The following COL23A1 variants were observed in gnomAD, a reference collection of about 807,000 sequenced individuals.
COL23A1 encodes the protein collagen alpha-1(XXIII) chain.
COL23A1 carries 97 observed loss-of-function variants against 99.3 expected under a neutral mutation model. The ratio of observed to expected loss-of-function variants is 0.98; its 90% CI spans 0.83 to 1.16. The LOEUF (loss-of-function observed/expected upper bound fraction) is 1.16, where lower values mean the gene tolerates loss of function less well. Ranked by LOEUF, COL23A1 falls within the 50% of genes most tolerant of loss-of-function variation. The pLI, the probability that COL23A1 is intolerant of heterozygous loss-of-function variation, is 0.00. For missense variants in COL23A1, 762 were observed against 757.4 expected, an observed-to-expected ratio of 1.01 and a Z score of -0.07; for synonymous variants, 320 against 308.2, an observed-to-expected ratio of 1.04 and a Z score of -0.40.
chr5:178,366,701 A>T lies in COL23A1; in HGVS notation c.362-59782T>A, dbSNP rs1268683745. 1.3e-5 allele frequency among the ~76,000 whole-genome samples: 2 copies of T among 152,202 alleles called. No homozygotes were observed. The highest frequency in any genetic ancestry group is 6.5e-5 in the Admixed American group (1 of 15,288). On this transcript the variant is annotated intron_variant, in intron 2 of 28. Coordinates refer to ENST00000390654, the MANE Select transcript of COL23A1 (RefSeq NM_173465.4). The surrounding 1 kb of genome is among the most constrained non-coding windows in gnomAD (Gnocchi z 4.4). Reference sequence around the variant, plus strand: ...CTGCCGCTGCCACGGTGGTGCAGCCACACTGAGCATCCCAAACCTCGCCGG... The same window carrying T: ...CTGCCGCTGCCACGGTGGTGCAGCCTCACTGAGCATCCCAAACCTCGCCGG...
rs1291728047 is a variant in COL23A1, at chr5:178,384,270, G to A, written c.362-77351C>T. ...AAATGCACGCAGCTCCCCGCCCAGG[G>A]CAGTTCTCAAAACCTGGATCCGGCG... On this transcript the variant is annotated intron_variant, in intron 2 of 28. Transcript: ENST00000390654. This position sits in a 1 kb window ranked among gnomAD's most constrained non-coding sequence, Gnocchi z 5.5. 3.3e-5 allele frequency among the ~76,000 whole-genome samples: 5 copies of A among 152,208 alleles called. No homozygotes were observed. The highest frequency in any genetic ancestry group is 2.1e-4 in the South Asian group (1 of 4,830).
rs543941163 is a variant in COL23A1 at position 178,340,006 on chromosome 5, G to A, written c.362-33087C>T. On this transcript the variant is annotated intron_variant, in intron 2 of 28. Transcript: ENST00000390654. This position sits in a 1 kb window ranked among gnomAD's most constrained non-coding sequence, Gnocchi z 4.7. Reference sequence around the variant, plus strand: ...TTAGGTGGTGGGATGGGTGGGTGGCGGGTGGCTGTTGGGGGATGAAGAGAT... The same window carrying A: ...TTAGGTGGTGGGATGGGTGGGTGGCAGGTGGCTGTTGGGGGATGAAGAGAT... Among the ~76,000 whole-genome samples the A allele has an allele frequency of 6.0e-4, 91 of 152,270 alleles. No individual in the cohort carries two copies. Among genetic ancestry groups the A allele is most frequent in the African/African-American group, 1.9e-3 (81 of 41,550 alleles).
rs143713338 is a variant in COL23A1, at chr5:178,522,530, C to T, written c.361+38152G>A. ...GTCAACCATCCACAGCTGCCCTCAGCCCACAACTGTGCCTGCCCGAGATTG... is the reference window on the plus strand; with the variant it reads ...GTCAACCATCCACAGCTGCCCTCAGTCCACAACTGTGCCTGCCCGAGATTG... On this transcript the variant is annotated intron_variant, in intron 2 of 28. Coordinates refer to ENST00000390654, the MANE Select transcript of COL23A1 (RefSeq NM_173465.4). Among the ~76,000 whole-genome samples, 44 of 152,284 alleles carry T rather than the reference C, an allele frequency of 2.9e-4. 1 individual carries two copies. The East Asian group carries it at 8.3e-3, about 29-fold the overall frequency.
At position 178,329,693 on chromosome 5, in the gene COL23A1, G is replaced by C. The variant is rs114545968; in HGVS notation, c.362-22774C>G. Among the ~76,000 whole-genome samples, 844 of 152,260 alleles carry C rather than the reference G, an allele frequency of 5.5e-3. 8 individuals are homozygous for C. Among genetic ancestry groups the C allele is most frequent in the African/African-American group, 0.019 (810 of 41,560 alleles). ...CAGTGGCTCACGCCTGTAATCCCAG[G>C]ACCGGGAGGCCGAGGCAGGCGGATC... On this transcript the variant is annotated intron_variant, in intron 2 of 28. Transcript: ENST00000390654.
intron 9 of COL23A1, 94 bp from the exon 10 acceptor site, chr5:178,262,346 G>T: frequency 8.3e-7 from 1 of 1,198,772 alleles, no homozygotes; most frequent in Non-Finnish European, 1.2e-6. Context: ...GGGGCTCTAA[G>T]TACATTATCT....
intron 2 of COL23A1, among the ~76,000 whole-genome samples, chr5:178,491,090 G>A (rs1019543979): frequency 1.3e-5 from 2 of 151,498 alleles, no homozygotes; most frequent in South Asian, 4.2e-4. Context: ...GAAGAGAGAA[G>A]AGAGAGGAGG....
chr5:178,249,716 A>ACACACACACTCACTCT, intron 18 of COL23A1, among the ~76,000 whole-genome samples: 19 of 92,806 alleles, frequency 2.0e-4, no homozygotes, highest in Admixed American at 8.7e-4. Flanking sequence ...ACACACACAC[A>ACACACACACTCACTCT]CTCTCTCTCT....
chr5:178,488,787 T>C (rs35346263), intron 2 of COL23A1, among the ~76,000 whole-genome samples: 58,934 of 152,002 alleles, frequency 0.39, 13,423 homozygotes, highest in Admixed American at 0.52. Flanking sequence ...ACGAGAGTTC[T>C]GGAGCTCCGT....
intron 3 of COL23A1, among the ~76,000 whole-genome samples, chr5:178,296,081 C>T (rs1170535464): frequency 6.6e-6 from 1 of 152,232 alleles, no homozygotes; most frequent in South Asian, 2.1e-4. Context: ...CACACTTGAA[C>T]TTGACAGTGG....
chr5:178,294,201 C>T (rs1434563718), intron 3 of COL23A1, among the ~76,000 whole-genome samples: 4 of 152,072 alleles, frequency 2.6e-5, no homozygotes, highest in African/African-American at 9.7e-5. Flanking sequence ...CCCAGTGGTG[C>T]CTTCCACGTG....
In COL23A1 at chr5:178,310,800, G is replaced by C. The variant is rs541077272; in HGVS notation, c.362-3881C>G. Among the ~76,000 whole-genome samples the C allele has an allele frequency of 2.6e-5, 4 of 152,230 alleles. No individual in the cohort carries two copies. Among genetic ancestry groups the C allele is most frequent in the African/African-American group, 9.6e-5 (4 of 41,552 alleles). ...GACCTGGCTCCAACAAGCAAAACCAGGCCTTTGGCCAGGTGGTTGGCCTCA... is the reference window on the plus strand; with the variant it reads ...GACCTGGCTCCAACAAGCAAAACCACGCCTTTGGCCAGGTGGTTGGCCTCA... On this transcript the variant is annotated intron_variant, in intron 2 of 28. Coordinates refer to ENST00000390654, the MANE Select transcript of COL23A1 (RefSeq NM_173465.4). This position sits in a 1 kb window ranked among gnomAD's most constrained non-coding sequence, Gnocchi z 4.3.
intron 2 of COL23A1, among the ~76,000 whole-genome samples, chr5:178,315,432 T>C (rs1257599009): frequency 6.6e-6 from 1 of 152,134 alleles, no homozygotes; most frequent in Non-Finnish European, 1.5e-5. Context: ...ATTGGCCCCA[T>C]TTACAGATAA....
At chr5:178,246,618 C>A (rs1446161446) in intron 22 of COL23A1, among the ~76,000 whole-genome samples, 165 bp from the exon 23 acceptor site, 3 of 152,204 alleles carry the variant, frequency 2.0e-5, no homozygotes, top group East Asian at 1.9e-4. Context: ...TCAGGAGGAG[C>A]TCTGGCCATG....
In COL23A1 at chr5:178,308,708, T is replaced by C. The variant is rs1758499161; in HGVS notation, c.362-1789A>G. Among the ~76,000 whole-genome samples the C allele has an allele frequency of 1.3e-5, 2 of 152,060 alleles. No individual in the cohort carries two copies. Among genetic ancestry groups the C allele is most frequent in the South Asian group, 4.2e-4 (2 of 4,816 alleles). ...TGTGGCCCAAACACCTGCCTTGGTCTCCTCCCCAGTGCCCTGTGCGGGGCT... is the reference window on the plus strand; with the variant it reads ...TGTGGCCCAAACACCTGCCTTGGTCCCCTCCCCAGTGCCCTGTGCGGGGCT... On this transcript the variant is annotated intron_variant, in intron 2 of 28. Coordinates refer to ENST00000390654, the MANE Select transcript of COL23A1 (RefSeq NM_173465.4). The surrounding 1 kb of genome is among the most constrained non-coding windows in gnomAD (Gnocchi z 5.1).
chr5:178,585,882 C>A (rs1449593599), intron 1 of COL23A1, among the ~76,000 whole-genome samples: 1 of 152,216 alleles, frequency 6.6e-6, no homozygotes, highest in Non-Finnish European at 1.5e-5. Context: ...TCGCATTACC[C>A]TTGCCAGTGA....
intron 2 of COL23A1, among the ~76,000 whole-genome samples, chr5:178,509,567 A>T (rs1284796755): frequency 6.6e-6 from 1 of 152,088 alleles, no homozygotes; most frequent in Non-Finnish European, 1.5e-5. Context: ...GGCACATTGA[A>T]ATTGAAAAAC....
intron 1 of COL23A1, among the ~76,000 whole-genome samples, chr5:178,585,737 C>CCTGGATGGCGCTGCCCTACAGCA (rs1562115617): frequency 7.8e-6 from 1 of 128,802 alleles, no homozygotes; most frequent in African/African-American, 3.6e-5. Context: ...ACTCCACAGC[C>CCTGGATGGCGCTGCCCTACAGCA]CTGGCTGACC....
chr5:178,479,502 T>G (rs1757215651), intron 2 of COL23A1, among the ~76,000 whole-genome samples: 1 of 152,196 alleles, frequency 6.6e-6, no homozygotes, highest in African/African-American at 2.4e-5. Context: ...CCACAGCTCT[T>G]TAATACACCC....
At chr5:178,493,382 T>C (rs539080115) in intron 2 of COL23A1, among the ~76,000 whole-genome samples, 3 of 152,364 alleles carry the variant, frequency 2.0e-5, no homozygotes, top group Non-Finnish European at 2.9e-5. Flanking sequence ...CTCAGGGCTA[T>C]TCCAATGTAG....
Sources: gnomAD v4.1 joint callset for allele counts (sites outside exome capture counted in the v4.1 genomes callset) on GRCh38, gnomAD v4.1.1 for gene constraint, Gnocchi (gnomAD v3.1) non-coding constraint, MANE v1.5 for transcripts, NCBI Gene and HGNC (gene_info 2026-07-23, HGNC 2026-07-21) for gene names.